Variants in CAMSAP2 observed in about 807,000 individuals in gnomAD.
CAMSAP2 encodes calmodulin-regulated spectrin-associated protein 2.
Under a neutral mutation model 146.1 loss-of-function variants are expected in CAMSAP2, and 26 were observed. The observed-to-expected ratio is 0.18, with a 90% CI of 0.13 to 0.25. The LOEUF is 0.25. Ranked by LOEUF, CAMSAP2 falls within the 10% of genes least tolerant of loss-of-function variation. The pLI is 1.00. For synonymous variants in CAMSAP2, 499 were observed against 596.6 expected (o/e 0.84, Z 2.38); for missense variants, 1,381 against 1,759.3 (o/e 0.78, Z 3.85).
intron 2 of CAMSAP2, among the ~76,000 whole-genome samples, chr1:200,765,900 A>G (rs1458663545): frequency 6.6e-6 from 1 of 152,222 alleles, no homozygotes. Flanking sequence ...CTAAAAAATA[A>G]TTTAGAGCTA....
Position 200,849,991 on chromosome 1 carries a change from A to G in CAMSAP2, c.3222A>G (p.Ser1074=), listed in dbSNP as rs1293769138. ...PFESTVSEVL[S]LPVTETVCLT... is the part of the protein sequence containing the mutation. ...AGTCAACAGTCTCTGAAGTCCTATCACTGCCTGTCACAGAGACTGTATGTC... is the reference window on the plus strand; with the variant it reads ...AGTCAACAGTCTCTGAAGTCCTATCGCTGCCTGTCACAGAGACTGTATGTC... Residue 1074 remains serine (S), a synonymous_variant, in exon 11 of 17, where the codon TCA becomes TCG. Transcript: ENST00000358823. The surrounding 1 kb of genome is among the most constrained non-coding windows in gnomAD (Gnocchi z 6.3). 9 of 1,614,164 alleles carry G rather than the reference A, an allele frequency of 5.6e-6. No individual in the cohort carries two copies. The East Asian group carries it at 1.1e-4, about 20-fold the overall frequency.
At chr1:200,810,657 G>A (rs2102152547) in intron 3 of CAMSAP2, among the ~76,000 whole-genome samples, 1 of 151,910 alleles carries the variant, frequency 6.6e-6, no homozygotes, top group South Asian at 2.1e-4. Context: ...GGGAGGCTGA[G>A]GCTGATGGAT....
intron 3 of CAMSAP2, among the ~76,000 whole-genome samples, chr1:200,814,307 C>A (rs1156752161): frequency 6.6e-6 from 1 of 151,806 alleles, no homozygotes; most frequent in Non-Finnish European, 1.5e-5. Context: ...CAATGTATTA[C>A]CATGATAGAA....
Position 200,832,123 on chromosome 1 carries a change from AG to A in CAMSAP2, c.646-76del. 8.8e-7 allele frequency: 1 copy of A among 1,131,156 alleles called. No homozygotes were observed. The highest frequency in any genetic ancestry group is 1.6e-5 in the South Asian group (1 of 60,658). 70.1% of individuals were successfully genotyped at this position (1,131,156 alleles called of 1,614,324 possible). A position where few individuals can be genotyped will look rare whatever the true frequency, so the allele number is the denominator to read the frequency against. Reference sequence around the variant, plus strand: ...TGATTTATTTTATTACTGGTACATTAGAATTTACAGTACTGATTTTTTTCCT... The same window carrying A: ...TGATTTATTTTATTACTGGTACATTAAATTTACAGTACTGATTTTTTTCCT... On this transcript the variant is annotated intron_variant, in intron 4 of 16. Coordinates refer to ENST00000358823, the MANE Select transcript of CAMSAP2 (RefSeq NM_203459.4). The surrounding 1 kb of genome is among the most constrained non-coding windows in gnomAD (Gnocchi z 4.2).
chr1:200,791,752 G>A (rs1309599122), intron 2 of CAMSAP2, among the ~76,000 whole-genome samples: 1 of 152,076 alleles, frequency 6.6e-6, no homozygotes, highest in African/African-American at 2.4e-5. Flanking sequence ...AGTTAGATAT[G>A]TTAAAAATTA....
At position 200,847,413 on chromosome 1, in the gene CAMSAP2, T is replaced by TTTTTTG. The variant is rs1558207107; in HGVS notation, c.1192+124_1192+125insTTGTTT. 6.1e-4 allele frequency: 470 copies of TTTTTTG among 769,760 alleles called. No homozygotes were observed. The African/African-American group carries it at 6.9e-3, about 11-fold the overall frequency. 47.7% of individuals were successfully genotyped at this position (769,760 alleles called of 1,614,324 possible). On this transcript the variant is annotated intron_variant, in intron 9 of 16. Transcript: ENST00000358823. ...TTTTTGTGTGTGTGTGTGTGTGTTT[T>TTTTTTG]TTTGTTTGTTTGTTTGTTTTCTGAA... is the stretch of plus-strand genomic sequence containing the variant.
Position 200,849,489 on chromosome 1 carries a change from T to C in CAMSAP2, c.2720T>C (p.Met907Thr), listed in dbSNP as rs1667557274. The part of the protein sequence containing the change: ...EMQRLSLQQE[M>T]LMQMREQQSW... ...CAACGCTTGTCACTTCAGCAGGAGA[T>C]GTTAATGCAGATGAGAGAGCAACAA... The change falls in exon 11 of 17, where the codon ATG (methionine) becomes ACG (threonine). Residue 907 changes from methionine to threonine, a missense_variant. This residue lies in a region of CAMSAP2 where 560 missense variants were observed against 715.9 expected (regional missense o/e 0.78). Coordinates refer to ENST00000358823, the MANE Select transcript of CAMSAP2 (RefSeq NM_203459.4). This position sits in a 1 kb window ranked among gnomAD's most constrained non-coding sequence, Gnocchi z 6.3. 6.2e-7 allele frequency: 1 copy of C among 1,614,090 alleles called. No homozygotes were observed. Among genetic ancestry groups the C allele is most frequent in the Admixed American group, 1.7e-5 (1 of 60,004 alleles).
chr1:200,842,023 G>A lies in CAMSAP2; in HGVS notation c.957G>A (p.Leu319=), dbSNP rs1667335319. 1 of 1,613,734 alleles carries A rather than the reference G, an allele frequency of 6.2e-7. No homozygotes were observed. Among genetic ancestry groups the A allele is most frequent in the African/African-American group, 1.3e-5 (1 of 74,910 alleles). Reference sequence around the variant, plus strand: ...ATTATTTGGTGTTCATGGCGGAACTGTTCTGGTGGTTTGAAGTGGTGAAGC... The same window carrying A: ...ATTATTTGGTGTTCATGGCGGAACTATTCTGGTGGTTTGAAGTGGTGAAGC... ...KSNYLVFMAE[L]FWWFEVVKPS... The change falls in exon 7 of 17, where the codon CTG becomes CTA. Residue 319 remains leucine (L), a synonymous_variant. Transcript: ENST00000358823.
At chr1:200,796,341 C>A (rs994810890) in intron 2 of CAMSAP2, among the ~76,000 whole-genome samples, 2 of 152,108 alleles carry the variant, frequency 1.3e-5, no homozygotes, top group Non-Finnish European at 2.9e-5. Flanking sequence ...TGTTTTTATA[C>A]CAGTACCGTA....
At chr1:200,747,818 G>A (rs1258595064) in intron 1 of CAMSAP2, among the ~76,000 whole-genome samples, 1 of 151,868 alleles carries the variant, frequency 6.6e-6, no homozygotes, top group East Asian at 1.9e-4. Flanking sequence ...AGACCATCCC[G>A]GTACTAAAAA....
chr1:200,842,001 A>T lies in CAMSAP2; in HGVS notation c.935A>T (p.Tyr312Phe), dbSNP rs1156962110. ...CTTAAATTTCCTATATAGAGTAATTATTTGGTGTTCATGGCGGAACTGTTC... is the reference window on the plus strand; with the variant it reads ...CTTAAATTTCCTATATAGAGTAATTTTTTGGTGTTCATGGCGGAACTGTTC... ...LYAASSIKSN[Y>F]LVFMAELFWW... Residue 312 changes from tyrosine to phenylalanine, a missense_variant, in exon 7 of 17, where the codon TAT becomes TTT. Tyr to Phe is a conservative substitution (Grantham distance 22, BLOSUM62 3). Around this residue, in one of 4 missense-constraint regions of CAMSAP2, gnomAD observed 284 missense variants for 406.9 expected, o/e 0.70. Coordinates refer to ENST00000358823, the MANE Select transcript of CAMSAP2 (RefSeq NM_203459.4). 1 of 1,611,552 alleles carries T rather than the reference A, an allele frequency of 6.2e-7. No homozygotes were observed. Among genetic ancestry groups the T allele is most frequent in the Non-Finnish European group, 8.5e-7 (1 of 1,177,696 alleles).
chr1:200,770,013 G>A (rs758351563), intron 2 of CAMSAP2, among the ~76,000 whole-genome samples: 8 of 152,118 alleles, frequency 5.3e-5, no homozygotes, highest in African/African-American at 1.7e-4. Context: ...TATGAACCAG[G>A]AACTGTAGAT....
intron 1 of CAMSAP2, among the ~76,000 whole-genome samples, chr1:200,752,818 C>T (rs888881854): frequency 2.6e-5 from 4 of 151,814 alleles, no homozygotes; most frequent in Non-Finnish European, 5.9e-5. Flanking sequence ...GGGGTTTTGC[C>T]GTGTTAGCCA....
At chr1:200,839,997 A>G (rs944019228) in intron 6 of CAMSAP2, among the ~76,000 whole-genome samples, 2 of 152,182 alleles carry the variant, frequency 1.3e-5, no homozygotes, top group Admixed American at 6.5e-5. Flanking sequence ...ATGTATCTGT[A>G]TATCAACATT....
chr1:200,796,279 C>A (rs1665882148), intron 2 of CAMSAP2, among the ~76,000 whole-genome samples: 1 of 152,152 alleles, frequency 6.6e-6, no homozygotes, highest in African/African-American at 2.4e-5. Flanking sequence ...TAAAAAAAAT[C>A]AATTGACCAT....
intron 4 of CAMSAP2, among the ~76,000 whole-genome samples, chr1:200,818,368 G>A (rs988480864): frequency 1.3e-5 from 2 of 152,128 alleles, no homozygotes; most frequent in Non-Finnish European, 2.9e-5. Flanking sequence ...ACAGCACTTA[G>A]CTCCATGCAG....
intron 4 of CAMSAP2, among the ~76,000 whole-genome samples, chr1:200,816,920 G>A: frequency 1.3e-5 from 1 of 75,568 alleles, no homozygotes; most frequent in Non-Finnish European, 2.5e-5. Flanking sequence ...GTGTGTATGT[G>A]TGTACACACA....
chr1:200,825,978 A>G (rs1207027962), intron 4 of CAMSAP2, among the ~76,000 whole-genome samples: 1 of 152,166 alleles, frequency 6.6e-6, no homozygotes, highest in African/African-American at 2.4e-5. Context: ...ATGTATTTTC[A>G]AGGTAAATTT....
In CAMSAP2 at chr1:200,752,528, C is replaced by T. The variant is rs1043491730; in HGVS notation, c.140-8311C>T. Among the ~76,000 whole-genome samples, 26 of 151,912 alleles carry T rather than the reference C, an allele frequency of 1.7e-4. 1 individual carries two copies. Among genetic ancestry groups the T allele is most frequent in the African/African-American group, 4.8e-4 (20 of 41,348 alleles). ...TGATACTCTTATCTGATTCACAGCC[C>T]GTATTCAGATTTGCCAATTATGTTG... On this transcript the variant is annotated intron_variant, in intron 1 of 16. Transcript: ENST00000358823.
Sources: allele counts gnomAD v4.1 joint callset (sites outside exome capture counted in the v4.1 genomes callset), GRCh38; gene constraint gnomAD v4.1.1; regional missense constraint gnomAD v4.1.1; non-coding constraint Gnocchi (gnomAD v3.1); transcripts MANE v1.5; gene names NCBI Gene and HGNC (gene_info 2026-07-23, HGNC 2026-07-21).